NOTCH2: variants seen among roughly 807,000 people sequenced by gnomAD.
The protein encoded by NOTCH2 is notch receptor 2, also known as neurogenic locus notch homolog protein 2.
Under a neutral mutation model 235.8 loss-of-function variants are expected in NOTCH2, and 29 were observed. That is an observed-to-expected ratio of 0.12 (90% confidence interval 0.09 to 0.17). The LOEUF is 0.17. Among genes scored for constraint, NOTCH2 ranks in the 10% least tolerant of loss-of-function variants. The probability of loss-of-function intolerance (pLI) is 1.00; values close to 1 mark genes in which losing one functional copy is unlikely to be tolerated. For synonymous variants in NOTCH2, 1,086 were observed against 1,141.5 expected, an observed-to-expected ratio of 0.95 and a Z score of 0.98; for missense variants, 2,285 against 3,150.2, an observed-to-expected ratio of 0.73 and a Z score of 6.57.
rs758477802 is a variant in NOTCH2, at chr1:119,914,137, G to GA, written c.*1168dup. 4.3e-6 allele frequency: 1 copy of GA among 233,186 alleles called. No individual in the cohort carries two copies. The highest frequency in any genetic ancestry group is 8.5e-6 in the Non-Finnish European group (1 of 118,060). 14.4% of individuals were successfully genotyped at this position (233,186 alleles called of 1,614,324 possible). A position where few individuals can be genotyped will look rare whatever the true frequency, so the allele number is the denominator to read the frequency against. On this transcript the variant is annotated 3_prime_UTR_variant, in exon 34 of 34. Coordinates refer to ENST00000256646, the MANE Select transcript of NOTCH2 (RefSeq NM_024408.4). The stretch of plus-strand genomic sequence containing the variant: ...TAAATGGCAAGGGTACAACATTTGA[G>GA]ACAGTGTCTTCTGTGGATATGAAAG...
chr1:119,959,550 A>G (rs782377193), intron 11 of NOTCH2, 48 bp from the exon 12 acceptor site: 1 of 1,017,120 alleles, frequency 9.8e-7, no homozygotes, highest in Non-Finnish European at 1.6e-6. Flanking sequence ...CCACAGAAAT[A>G]CTAAGGCTTT....
At chr1:119,933,602 T>TA (rs1183838590) in intron 22 of NOTCH2, among the ~76,000 whole-genome samples, 3 of 152,144 alleles carry the variant, frequency 2.0e-5, no homozygotes, top group Admixed American at 1.3e-4. Flanking sequence ...AAACCATGGA[T>TA]ATCAGAAAGC....
At chr1:119,974,626 G>T (rs1570706412) in intron 5 of NOTCH2, among the ~76,000 whole-genome samples, 2 of 152,186 alleles carry the variant, frequency 1.3e-5, no homozygotes, top group Middle Eastern at 3.4e-3. Flanking sequence ...AACTTTTGTT[G>T]ATTCCTCAAA....
At chr1:119,948,159 C>T (rs1250334421) in intron 17 of NOTCH2, among the ~76,000 whole-genome samples, 2 of 152,180 alleles carry the variant, frequency 1.3e-5, no homozygotes, top group African/African-American at 2.4e-5. Flanking sequence ...TTTTAAAAAA[C>T]ACTATCATAG....
intron 15 of NOTCH2, 187 bp downstream of exon 15, chr1:119,950,537 T>G: frequency 1.4e-6 from 1 of 698,946 alleles, no homozygotes; most frequent in Non-Finnish European, 2.6e-6. Flanking sequence ...GTCCACCACT[T>G]GCATCTTAGG....
At chr1:120,026,096 G>T (rs1653826321) in intron 2 of NOTCH2, among the ~76,000 whole-genome samples, 1 of 134,518 alleles carries the variant, frequency 7.4e-6, no homozygotes, top group Admixed American at 7.2e-5. Flanking sequence ...GACTGATAGG[G>T]TACTTAGGCT....
intron 32 of NOTCH2, among the ~76,000 whole-genome samples, chr1:119,918,194 C>A (rs1408014366): frequency 6.6e-6 from 1 of 152,142 alleles, no homozygotes; most frequent in African/African-American, 2.4e-5. Context: ...GGTCCAAGAA[C>A]CCTCATTAAA....
intron 12 of NOTCH2, 83 bp downstream of exon 12, chr1:119,959,309 C>A (rs1650847684): frequency 3.7e-6 from 3 of 821,170 alleles, no homozygotes; most frequent in Admixed American, 3.5e-5. Context: ...ATAGGAAACA[C>A]TTGAAAAGCA....
chr1:119,940,607 A>G lies in NOTCH2; in HGVS notation c.3131T>C (p.Leu1044Pro). The G allele has an allele frequency of 6.2e-7, 1 of 1,614,108 alleles. No individual in the cohort carries two copies. The highest frequency in any genetic ancestry group is 8.5e-7 in the Non-Finnish European group (1 of 1,179,956). ...GGGGCAGCTGCAGCGGTAGGTACCCAGGCCATCAACACACGTTCCCTCATT... is the reference window on the plus strand; with the variant it reads ...GGGGCAGCTGCAGCGGTAGGTACCCGGGCCATCAACACACGTTCCCTCATT... Reference protein sequence around the residue: ...CLNEGTCVDGLGTYRCSCPLG... With the variant: ...CLNEGTCVDGPGTYRCSCPLG... The change falls in exon 19 of 34, where the codon CTG becomes CCG. Residue 1044 changes from leucine to proline, a missense_variant. Coordinates refer to ENST00000256646, the MANE Select transcript of NOTCH2 (RefSeq NM_024408.4).
chr1:119,942,210 CTCTT>C (rs1650088339), intron 17 of NOTCH2, among the ~76,000 whole-genome samples: 1 of 152,148 alleles, frequency 6.6e-6, no homozygotes, highest in African/African-American at 2.4e-5. Flanking sequence ...CTTTTTCTCT[CTCTT>C]TTAGATTTCA....
intron 19 of NOTCH2, among the ~76,000 whole-genome samples, chr1:119,940,231 T>G (rs976589734): frequency 6.6e-6 from 1 of 152,232 alleles, no homozygotes; most frequent in Non-Finnish European, 1.5e-5. Context: ...TATTCTCTAT[T>G]TTCTTCAGTT....
At chr1:119,969,863 C>G in intron 5 of NOTCH2, 119 bp from the exon 6 acceptor site, 1 of 894,306 alleles carries the variant, frequency 1.1e-6, no homozygotes. Flanking sequence ...AAGCAGAGCT[C>G]CAGAAGGCTG....
chr1:119,966,509 C>T lies in NOTCH2; in HGVS notation c.1454-20G>A. The T allele has an allele frequency of 6.4e-7, 1 of 1,559,430 alleles. No individual in the cohort carries two copies. Among genetic ancestry groups the T allele is most frequent in the Non-Finnish European group, 8.8e-7 (1 of 1,130,098 alleles). On this transcript the variant is annotated intron_variant, in intron 8 of 33. Coordinates refer to ENST00000256646, the MANE Select transcript of NOTCH2 (RefSeq NM_024408.4). ...TGAAACCTAAACAAAACAGACCACA[C>T]AAGTGGCTTAAAGAGAGAGAAAGGT...
At position 119,916,194 on chromosome 1, in the gene NOTCH2, T is replaced by A; in HGVS notation, c.6528A>T (p.Leu2176Phe). 6.2e-7 allele frequency: 1 copy of A among 1,614,170 alleles called. No homozygotes were observed. The highest frequency in any genetic ancestry group is 8.5e-7 in the Non-Finnish European group (1 of 1,180,026). The change falls in exon 34 of 34, where the codon TTA (leucine) becomes TTT (phenylalanine). Residue 2176 changes from leucine to phenylalanine, a missense_variant. Leu to Phe is a conservative substitution (Grantham distance 22). Transcript: ENST00000256646. ...SSPMITSPGI[L>F]QASPNPMLAT... ...CCAACATAGGGTTGGGTGAGGCCTG[T>A]AAGATCCCAGGGGATGTAATCATTG...
chr1:120,015,961 AAAAG>A (rs1248719123), intron 2 of NOTCH2, among the ~76,000 whole-genome samples: 4 of 136,812 alleles, frequency 2.9e-5, no homozygotes, highest in East Asian at 2.2e-4. Context: ...TCTCAAAAAA[AAAAG>A]AAAGAAAAAA....
chr1:119,953,097 A>G (rs1262730074), intron 14 of NOTCH2, among the ~76,000 whole-genome samples: 1 of 152,164 alleles, frequency 6.6e-6, no homozygotes, highest in Non-Finnish European at 1.5e-5. Flanking sequence ...AGATCACCTG[A>G]GGTCAGGAGT....
At position 120,017,545 on chromosome 1, in the gene NOTCH2, G is replaced by A. The variant is rs376738706; in HGVS notation, c.156-11957C>T. On this transcript the variant is annotated intron_variant, in intron 2 of 33. Transcript: ENST00000256646. ...GCACAAGGTCAAAATGAAGGGCTCT[G>A]TGGAATCTTTACCCCTTAAAAAGAC... 3.2e-4 allele frequency among the ~76,000 whole-genome samples: 48 copies of A among 152,232 alleles called. 1 individual carries two copies. The South Asian group carries it at 9.1e-3, about 29-fold the overall frequency.
intron 20 of NOTCH2, 100 bp downstream of exon 20, chr1:119,937,757 C>G: frequency 3.0e-6 from 4 of 1,355,126 alleles, no homozygotes; most frequent in Non-Finnish European, 4.2e-6. Flanking sequence ...CTACTATCTG[C>G]CCTTCCCTCT....
intron 1 of NOTCH2, among the ~76,000 whole-genome samples, chr1:120,067,417 T>C (rs868949814): frequency 8.5e-5 from 13 of 152,280 alleles, no homozygotes; most frequent in Middle Eastern, 3.4e-3. Flanking sequence ...CATAGTTTTA[T>C]GCACTGAGAT....
Sources: gnomAD v4.1 joint callset for allele counts (sites outside exome capture counted in the v4.1 genomes callset) on GRCh38, gnomAD v4.1.1 for gene constraint, MANE v1.5 for transcripts, NCBI Gene and HGNC (gene_info 2026-07-23, HGNC 2026-07-21) for gene names.